Variants in INPP4A observed in about 807,000 individuals in gnomAD.
The protein encoded by INPP4A is inositol polyphosphate-4-phosphatase, type I, 107kD.
In INPP4A, 33 loss-of-function variants were observed where a neutral mutation model predicts 119.8. That is an observed-to-expected ratio of 0.28 (90% confidence interval 0.21 to 0.37). INPP4A has a LOEUF of 0.37. Among genes scored for constraint, INPP4A ranks in the 10% least tolerant of loss-of-function variants. INPP4A has a pLI of 1.00. For synonymous variants in INPP4A, 496 were observed against 500.7 expected (o/e 0.99, Z 0.12); for missense variants, 956 against 1,289.9 (o/e 0.74, Z 3.97).
chr2:98,486,654 C>G (rs1679599100), intron 1 of INPP4A, among the ~76,000 whole-genome samples: 1 of 151,958 alleles, frequency 6.6e-6, no homozygotes, highest in Non-Finnish European at 1.5e-5. Context: ...CAGGTTACAT[C>G]AGGAGTCCAG....
At position 98,536,133 on chromosome 2, in the gene INPP4A, A is replaced by G. The variant is rs1343896057; in HGVS notation, c.392A>G (p.Tyr131Cys). 56 of 1,606,530 alleles carry G rather than the reference A, an allele frequency of 3.5e-5. No individual in the cohort carries two copies. The highest frequency in any genetic ancestry group is 4.7e-5 in the Non-Finnish European group (55 of 1,173,688). ...DVKDRSQGTM[Y>C]LLGSGTFIVK... is the part of the protein sequence containing the mutation. ...TCTCTTCCTTCTCTTCCTCAGATGT[A>G]TTTACTGGGCTCTGGAACGTTCATT... The change falls in exon 7 of 25, where the codon TAT becomes TGT. Residue 131 changes from tyrosine (Y) to cysteine (C), a missense_variant. Tyr to Cys is a radical substitution (Grantham distance 194). This residue lies in a region of INPP4A where 652 missense variants were observed against 797.9 expected (regional missense o/e 0.82). Coordinates refer to ENST00000409851, the MANE Select transcript of INPP4A (RefSeq NM_001134225.2).
chr2:98,590,187 G>A lies in INPP4A; in HGVS notation c.*2579G>A. 4.9e-6 allele frequency: 1 copy of A among 204,898 alleles called. No individual in the cohort carries two copies. The allele number at this position is 204,898 out of a possible 1,614,324, so 12.7% of individuals were successfully genotyped here. ...TCTTGCCTGATTCATCCTATTAGGAGGACTAGTTCTATGTGACCAGCCTGT... is the reference window on the plus strand; with the variant it reads ...TCTTGCCTGATTCATCCTATTAGGAAGACTAGTTCTATGTGACCAGCCTGT... On this transcript the variant is annotated 3_prime_UTR_variant, in exon 25 of 25. Coordinates refer to ENST00000409851, the MANE Select transcript of INPP4A (RefSeq NM_001134225.2).
chr2:98,459,953 G>C (rs1271100635), intron 1 of INPP4A, among the ~76,000 whole-genome samples: 1 of 152,318 alleles, frequency 6.6e-6, no homozygotes, highest in East Asian at 1.9e-4. Context: ...AACCAGAACT[G>C]TCAGTTTGCT....
chr2:98,481,861 G>A (rs986689020), intron 1 of INPP4A, among the ~76,000 whole-genome samples: 2 of 152,198 alleles, frequency 1.3e-5, no homozygotes, highest in African/African-American at 2.4e-5. Context: ...TGGGCTTTCC[G>A]TTCTCTAGTG....
At chr2:98,586,270 T>G (rs560221338) in intron 24 of INPP4A, among the ~76,000 whole-genome samples, 1 of 152,248 alleles carries the variant, frequency 6.6e-6, no homozygotes, top group East Asian at 1.9e-4. Flanking sequence ...ACCAAAAGTA[T>G]TTTACATGTT....
chr2:98,492,465 T>C (rs1171485867), intron 1 of INPP4A, among the ~76,000 whole-genome samples: 1 of 152,208 alleles, frequency 6.6e-6, no homozygotes, highest in African/African-American at 2.4e-5. Flanking sequence ...AGGGGTTGGC[T>C]CTATTGATGT....
chr2:98,459,260 C>T (rs1221518848), intron 1 of INPP4A, among the ~76,000 whole-genome samples: 2 of 152,218 alleles, frequency 1.3e-5, no homozygotes, highest in African/African-American at 2.4e-5. Flanking sequence ...CTGATTGCCT[C>T]ACCTGGTTTC....
In INPP4A at chr2:98,566,251, C is replaced by G. The variant is rs1419117536; in HGVS notation, c.2420+82C>G. On this transcript the variant is annotated intron_variant, in intron 21 of 24. Coordinates refer to ENST00000409851, the MANE Select transcript of INPP4A (RefSeq NM_001134225.2). This position sits in a 1 kb window ranked among gnomAD's most constrained non-coding sequence, Gnocchi z 4.2. ...AAACGTACTTACCCCTCTTCAGGCT[C>G]TAAGTGCTGGACAGACTTTGTCATC... 4.3e-6 allele frequency: 6 copies of G among 1,384,372 alleles called. No individual in the cohort carries two copies. The highest frequency in any genetic ancestry group is 2.6e-5 in the East Asian group (1 of 38,748). 85.8% of individuals were successfully genotyped at this position (1,384,372 alleles called of 1,614,324 possible).
chr2:98,560,266 G>A (rs1695225208), intron 17 of INPP4A, among the ~76,000 whole-genome samples: 1 of 152,112 alleles, frequency 6.6e-6, no homozygotes, highest in Non-Finnish European at 1.5e-5. Context: ...TCAGTCTATT[G>A]CTTGCATATT....
chr2:98,527,363 T>C (rs543225323), intron 4 of INPP4A, among the ~76,000 whole-genome samples: 1 of 152,360 alleles, frequency 6.6e-6, no homozygotes, highest in East Asian at 1.9e-4. Context: ...TCCCTGAGAA[T>C]GTTTGTCAAA....
At chr2:98,525,818 TAAC>T (rs553533147) in intron 4 of INPP4A, among the ~76,000 whole-genome samples, 7 of 152,160 alleles carry the variant, frequency 4.6e-5, no homozygotes, top group South Asian at 2.1e-4. Flanking sequence ...TGGGTAAAAT[TAAC>T]AACAACAACA....
intron 9 of INPP4A, among the ~76,000 whole-genome samples, 158 bp downstream of exon 9, chr2:98,539,139 A>G (rs1000850352): frequency 3.3e-5 from 5 of 152,224 alleles, no homozygotes; most frequent in African/African-American, 1.2e-4. Context: ...CAGCATATAA[A>G]GAGTTATCAC....
chr2:98,564,057 C>G (rs181012177), intron 18 of INPP4A, among the ~76,000 whole-genome samples: 9 of 151,598 alleles, frequency 5.9e-5, no homozygotes, highest in African/African-American at 2.2e-4. Context: ...TTGCAGGACT[C>G]TCTTATTGTT....
chr2:98,528,108 A>T (rs1688505599), intron 4 of INPP4A, among the ~76,000 whole-genome samples: 1 of 152,252 alleles, frequency 6.6e-6, no homozygotes, highest in African/African-American at 2.4e-5. Flanking sequence ...CAGCTATTTT[A>T]AGTATGTTCA....
At chr2:98,581,188 C>T (rs1377256136) in intron 24 of INPP4A, among the ~76,000 whole-genome samples, 2 of 152,236 alleles carry the variant, frequency 1.3e-5, no homozygotes, top group Non-Finnish European at 2.9e-5. Context: ...TCAGAAATCC[C>T]TGTCTGTGCA....
intron 4 of INPP4A, among the ~76,000 whole-genome samples, chr2:98,522,770 GA>G (rs954857397): frequency 7.6e-4 from 108 of 141,356 alleles, no homozygotes; most frequent in Admixed American, 1.2e-3. Context: ...CTTCCAGAAA[GA>G]AAAAAAAAAA....
intron 14 of INPP4A, 125 bp downstream of exon 14, chr2:98,553,094 C>G (rs1018239353): frequency 2.6e-6 from 2 of 762,592 alleles, no homozygotes; most frequent in African/African-American, 3.5e-5. Flanking sequence ...CTTTGAAGGT[C>G]TACCTTAGGT....
intron 1 of INPP4A, among the ~76,000 whole-genome samples, chr2:98,505,300 A>G (rs557423122): frequency 6.6e-6 from 1 of 152,336 alleles, no homozygotes; most frequent in East Asian, 1.9e-4. Context: ...GGTTTGGGGA[A>G]AAGTACTGGG....
At chr2:98,469,800 G>A (rs111225858) in intron 1 of INPP4A, among the ~76,000 whole-genome samples, 2,358 of 152,140 alleles carry the variant, frequency 0.015, 69 homozygotes, top group African/African-American at 0.054. Flanking sequence ...AAGAAATTCC[G>A]TCTCAAACAA....
Sources: gnomAD v4.1 joint callset for allele counts (sites outside exome capture counted in the v4.1 genomes callset) on GRCh38, gnomAD v4.1.1 for gene constraint, gnomAD v4.1.1 regional missense constraint, Gnocchi (gnomAD v3.1) non-coding constraint, MANE v1.5 for transcripts, NCBI Gene and HGNC (gene_info 2026-07-23, HGNC 2026-07-21) for gene names.